INPPL1: variants seen among roughly 807,000 people sequenced by gnomAD.
INPPL1 encodes the protein inositol polyphosphate phosphatase like 1, also known as phosphatidylinositol 3,4,5-trisphosphate 5-phosphatase 2.
Under a neutral mutation model 139.3 loss-of-function variants are expected in INPPL1, and 91 were observed. The observed-to-expected ratio is 0.65, with a 90% CI of 0.55 to 0.78. The LOEUF is 0.78. Ranked by LOEUF, INPPL1 falls within the 30% of genes least tolerant of loss-of-function variation. The probability of loss-of-function intolerance (pLI) is 0.00; values close to 1 mark genes in which losing one functional copy is unlikely to be tolerated. For synonymous variants in INPPL1, 719 were observed against 686.6 expected (o/e 1.05, Z -0.74); for missense variants, 1,411 against 1,665.6 (o/e 0.85, Z 2.66).
In INPPL1 at chr11:72,234,730, AGAGTGTGT is replaced by A; in HGVS notation, c.2415+117_2415+124del. 2 of 567,912 alleles carry A rather than the reference AGAGTGTGT, an allele frequency of 3.5e-6. No individual in the cohort carries two copies. Among genetic ancestry groups the A allele is most frequent in the Non-Finnish European group, 3.1e-6 (1 of 322,642 alleles). 35.2% of individuals were successfully genotyped at this position (567,912 alleles called of 1,614,324 possible). On this transcript the variant is annotated intron_variant, in intron 21 of 27. Coordinates refer to ENST00000298229, the MANE Select transcript of INPPL1 (RefSeq NM_001567.4). The surrounding 1 kb of genome is among the most constrained non-coding windows in gnomAD (Gnocchi z 4.2). ...GTGGGGCCAGCAGAGAGAGAGAGAG[AGAGTGTGT>A]GTGTGTGTGTGTGTGTGTGTGTGTG...
At chr11:72,233,543 G>A (rs1342058598) in intron 18 of INPPL1, 21 bp downstream of exon 18, 2 of 1,611,512 alleles carry the variant, frequency 1.2e-6, no homozygotes, top group Non-Finnish European at 1.7e-6. Flanking sequence ...CCCGGACAGA[G>A]TGATGGGAGA....
rs1948947529 is a variant in INPPL1, at chr11:72,235,095, C to T, written c.2416-21C>T. The T allele has an allele frequency of 1.9e-6, 3 of 1,605,128 alleles. No individual in the cohort carries two copies. The highest frequency in any genetic ancestry group is 1.7e-5 in the Admixed American group (1 of 59,326). ...GGAAGTGGCGGGGCTTTGTTCCTCA[C>T]TGGGCCTCCCTGCTTCCCAGCTCAA... is the stretch of plus-strand genomic sequence containing the variant. On this transcript the variant is annotated intron_variant, in intron 21 of 27. Transcript: ENST00000298229. The surrounding 1 kb of genome is among the most constrained non-coding windows in gnomAD (Gnocchi z 4.9).
At position 72,235,145 on chromosome 11, in the gene INPPL1, C is replaced by G; in HGVS notation, c.2445C>G (p.Tyr815Ter). The change falls in exon 22 of 28, where the codon TAC becomes TAG. Residue 815 changes from tyrosine to a stop codon, truncating the protein, a stop_gained. Coordinates refer to ENST00000298229, the MANE Select transcript of INPPL1 (RefSeq NM_001567.4). LOFTEE classifies it high-confidence loss of function. This position sits in a 1 kb window ranked among gnomAD's most constrained non-coding sequence, Gnocchi z 4.9. The stretch of plus-strand genomic sequence containing the variant: ...AACCAATTCTGGCTGATATCGAGTA[C>G]CTGCAGGACCAGCACCTCCTGCTCA... Reference protein sequence around the residue: ...TLKPILADIEYLQDQHLLLTV... With the variant: ...TLKPILADIE The G allele has an allele frequency of 6.2e-7, 1 of 1,613,964 alleles. No individual in the cohort carries two copies. The highest frequency in any genetic ancestry group is 8.5e-7 in the Non-Finnish European group (1 of 1,179,992).
Position 72,238,067 on chromosome 11 carries a change from C to T in INPPL1, c.3578C>T (p.Ala1193Val). 6.4e-7 allele frequency: 1 copy of T among 1,568,006 alleles called. No individual in the cohort carries two copies. Among genetic ancestry groups the T allele is most frequent in the Non-Finnish European group, 8.6e-7 (1 of 1,157,540 alleles). The change falls in exon 27 of 28, where the codon GCC becomes GTC. Residue 1193 changes from alanine to valine, a missense_variant. Physicochemically the swap from Ala to Val is moderately conservative, Grantham distance 64 (BLOSUM62 0). This residue lies in a region of INPPL1 where 438 missense variants were observed against 425.7 expected (regional missense o/e 1.03). Transcript: ENST00000298229. ...EEAPCLQGGR[A>V]SGLGEAGMSA... ...GCTCCGTGCCTGCAGGGCGGGCGGG[C>T]CAGCGGGCTGGGCGAGGCAGGCATG...
chr11:72,237,276 C>T lies in INPPL1; in HGVS notation c.3032C>T (p.Ser1011Phe). Residue 1011 changes from serine to phenylalanine, a missense_variant, in exon 26 of 28, where the codon TCT (serine) becomes TTT (phenylalanine). Ser to Phe is a radical substitution (Grantham distance 155). Transcript: ENST00000298229. The part of the protein sequence containing the change: ...PPSPARAPVP[S>F]ATKNKVAITV... ...TCGCCTGCCAGGGCCCCTGTCCCAT[C>T]TGCCACCAAGAACAAAGTGGCCATT... 1 of 1,614,074 alleles carries T rather than the reference C, an allele frequency of 6.2e-7. No individual in the cohort carries two copies. Among genetic ancestry groups the T allele is most frequent in the Non-Finnish European group, 8.5e-7 (1 of 1,180,028 alleles).
Position 72,235,620 on chromosome 11 carries a change from T to C in INPPL1, c.2660-55T>C. The C allele has an allele frequency of 6.3e-7, 1 of 1,595,780 alleles. No homozygotes were observed. The highest frequency in any genetic ancestry group is 8.6e-7 in the Non-Finnish European group (1 of 1,164,780). On this transcript the variant is annotated intron_variant, in intron 23 of 27. Transcript: ENST00000298229. This position sits in a 1 kb window ranked among gnomAD's most constrained non-coding sequence, Gnocchi z 4.9. The stretch of plus-strand genomic sequence containing the variant: ...AAAGGGCTGGCAGGCCCACTGGGTG[T>C]CTGTGGGATCCAGGAGCCCAGGTCT...
rs1948742376 is a variant in INPPL1, at chr11:72,228,596, C to G, written c.397+98C>G. 6.5e-7 allele frequency: 1 copy of G among 1,549,790 alleles called. No individual in the cohort carries two copies. Among genetic ancestry groups the G allele is most frequent in the Non-Finnish European group, 8.8e-7 (1 of 1,142,846 alleles). On this transcript the variant is annotated intron_variant, in intron 3 of 27. Transcript: ENST00000298229. This position sits in a 1 kb window ranked among gnomAD's most constrained non-coding sequence, Gnocchi z 5.0. ...CTCAACCCCACCTCTCCTGTAACCC[C>G]CTTTCCCTTGGCCATGATGCCGGGG...
rs141544846 is a variant in INPPL1, at chr11:72,233,731, C to T, written c.2199C>T (p.Phe733=). The change falls in exon 19 of 28, where the codon TTC becomes TTT. Residue 733 remains phenylalanine (F), a synonymous_variant. Transcript: ENST00000298229. ...GTFEVGVTSQ[F]ISKKGLSKTS... The stretch of plus-strand genomic sequence containing the variant: ...TTGAGGTTGGAGTTACCTCCCAGTT[C>T]ATCTCCAAGAAAGGTGACTGTTCCA... 7.4e-6 allele frequency: 12 copies of T among 1,613,758 alleles called. No homozygotes were observed. The African/African-American group carries it at 1.5e-4, about 20-fold the overall frequency.
chr11:72,233,605 G>T (rs761293219), intron 18 of INPPL1, 50 bp from the exon 19 acceptor site: 2 of 1,606,710 alleles, frequency 1.2e-6, no homozygotes, highest in Non-Finnish European at 1.7e-6. Flanking sequence ...GGTGGGAGCC[G>T]AGGGTGGGAA....
Position 72,237,476 on chromosome 11 carries a change from C to G in INPPL1, c.3232C>G (p.Arg1078Gly). ...SLDPLPGPVVRGRGGAEARGP... is the reference protein window; with the variant it reads ...SLDPLPGPVVGGRGGAEARGP... ...GGATCCTTTACCAGGGCCAGTGGTC[C>G]GGGGCCGTGGTGGGGCTGAGGCCCG... Residue 1078 changes from arginine (R) to glycine (G), a missense_variant, in exon 26 of 28, where the codon CGG becomes GGG. Transcript: ENST00000298229. 1 of 1,610,084 alleles carries G rather than the reference C, an allele frequency of 6.2e-7. No homozygotes were observed. The highest frequency in any genetic ancestry group is 8.5e-7 in the Non-Finnish European group (1 of 1,177,640).
At chr11:72,226,725 G>C (rs1055735870) in intron 1 of INPPL1, among the ~76,000 whole-genome samples, 1 of 152,178 alleles carries the variant, frequency 6.6e-6, no homozygotes, top group Non-Finnish European at 1.5e-5. Context: ...GGGAGACTAA[G>C]GAGGGACAGA....
chr11:72,237,769 G>T lies in INPPL1; in HGVS notation c.3525G>T (p.Glu1175Asp). ...GCTTCCCTCCACCCCGCATCCGGGAGAGCATCCAGGAAGACCTGGCAGAGG... is the reference window on the plus strand; with the variant it reads ...GCTTCCCTCCACCCCGCATCCGGGATAGCATCCAGGAAGACCTGGCAGAGG... ...PLSFPPPRIR[E>D]SIQEDLAEEA... is the part of the protein sequence containing the mutation. Residue 1175 changes from glutamate to aspartate, a missense_variant, in exon 26 of 28, where the codon GAG becomes GAT. Glu to Asp is a conservative substitution (Grantham distance 45). This residue lies in a region of INPPL1 where 438 missense variants were observed against 425.7 expected (regional missense o/e 1.03). Transcript: ENST00000298229. 6.2e-7 allele frequency: 1 copy of T among 1,609,548 alleles called. No homozygotes were observed.
chr11:72,238,597 C>T lies in INPPL1; in HGVS notation c.*244C>T, dbSNP rs1426371188. 1 of 377,872 alleles carries T rather than the reference C, an allele frequency of 2.6e-6. No homozygotes were observed. The allele number at this position is 377,872 out of a possible 1,614,324, so 23.4% of individuals were successfully genotyped here. ...GGTCAGTTGCCATGGTTACCGAGGA[C>T]CCTGGTTACTCTGGTGCTGTCCTGT... On this transcript the variant is annotated 3_prime_UTR_variant, in exon 28 of 28. Coordinates refer to ENST00000298229, the MANE Select transcript of INPPL1 (RefSeq NM_001567.4).
chr11:72,228,928 T>C lies in INPPL1; in HGVS notation c.518+81T>C, dbSNP rs769788336. The C allele has an allele frequency of 2.6e-6, 4 of 1,523,604 alleles. No homozygotes were observed. The highest frequency in any genetic ancestry group is 3.5e-6 in the Non-Finnish European group (4 of 1,134,952). 94.4% of individuals were successfully genotyped at this position (1,523,604 alleles called of 1,614,324 possible). A position where few individuals can be genotyped will look rare whatever the true frequency, so the allele number is the denominator to read the frequency against. ...TTCCCTACCAAAGGTGGGGAGGCCT[T>C]CTAAGACCCCACCAGGGACCCCCAC... On this transcript the variant is annotated intron_variant, in intron 4 of 27. Coordinates refer to ENST00000298229, the MANE Select transcript of INPPL1 (RefSeq NM_001567.4). This position sits in a 1 kb window ranked among gnomAD's most constrained non-coding sequence, Gnocchi z 5.0.
In INPPL1 at chr11:72,230,453, C is replaced by CTT. The variant is rs1297299117; in HGVS notation, c.1184_1185dup (p.Val396LeufsTer17). ...ACCGGACTCAGCGCAAGGACTTCAT[C>CTT]TTTGTCAGTGCCCGGGTGAGCAGCA... is the stretch of plus-strand genomic sequence containing the variant. On this transcript the variant is annotated frameshift_variant, in exon 10 of 28. Coordinates refer to ENST00000298229, the MANE Select transcript of INPPL1 (RefSeq NM_001567.4). LOFTEE classifies it high-confidence loss of function. 2.5e-6 allele frequency: 4 copies of CTT among 1,613,754 alleles called. No individual in the cohort carries two copies. Among genetic ancestry groups the CTT allele is most frequent in the Non-Finnish European group, 3.4e-6 (4 of 1,180,038 alleles).
rs1432447340 is a variant in INPPL1, at chr11:72,237,656, G to C, written c.3412G>C (p.Ala1138Pro). 4 of 1,611,476 alleles carry C rather than the reference G, an allele frequency of 2.5e-6. No individual in the cohort carries two copies. The South Asian group carries it at 4.4e-5, about 18-fold the overall frequency. Residue 1138 changes from alanine (A) to proline (P), a missense_variant, in exon 26 of 28, where the codon GCT becomes CCT. Around this residue, in one of 5 missense-constraint regions of INPPL1, gnomAD observed 438 missense variants for 425.7 expected, o/e 1.03. Coordinates refer to ENST00000298229, the MANE Select transcript of INPPL1 (RefSeq NM_001567.4). ...GCTGAGCGAGGTGGACTATGCCCCT[G>C]CTGGGCCTGCACGCTCAGCGCTCCT... ...KTLSEVDYAP[A>P]GPARSALLPG... is the part of the protein sequence containing the mutation.
chr11:72,228,032 C>A lies in INPPL1; in HGVS notation c.183-158C>A, dbSNP rs1297477138. On this transcript the variant is annotated intron_variant, in intron 1 of 27. Coordinates refer to ENST00000298229, the MANE Select transcript of INPPL1 (RefSeq NM_001567.4). This position sits in a 1 kb window ranked among gnomAD's most constrained non-coding sequence, Gnocchi z 5.0. Reference sequence around the variant, plus strand: ...GCAACACCAGGAGGGTGGAAGTGGACCGGCCACATCATTAACCCTGTGCAG... The same window carrying A: ...GCAACACCAGGAGGGTGGAAGTGGAACGGCCACATCATTAACCCTGTGCAG... The A allele has an allele frequency of 5.8e-6, 4 of 692,992 alleles. No homozygotes were observed. Among genetic ancestry groups the A allele is most frequent in the Non-Finnish European group, 7.6e-6 (3 of 392,566 alleles). 42.9% of individuals were successfully genotyped at this position (692,992 alleles called of 1,614,324 possible).
chr11:72,230,564 G>A (rs960776154), intron 10 of INPPL1, 96 bp downstream of exon 10: 16 of 1,214,166 alleles, frequency 1.3e-5, no homozygotes, highest in East Asian at 7.1e-5. Flanking sequence ...CATGATGTAG[G>A]CATGCCATCC....
At chr11:72,229,020 C>G (rs1180580331) in intron 4 of INPPL1, 70 bp from the exon 5 acceptor site, 1 of 1,547,246 alleles carries the variant, frequency 6.5e-7, no homozygotes. Flanking sequence ...ACTATCTCCT[C>G]TAGGGATGGG....
Sources: gnomAD v4.1 joint callset for allele counts (sites outside exome capture counted in the v4.1 genomes callset) on GRCh38, gnomAD v4.1.1 for gene constraint, gnomAD v4.1.1 regional missense constraint, Gnocchi (gnomAD v3.1) non-coding constraint, MANE v1.5 for transcripts, NCBI Gene and HGNC (gene_info 2026-07-23, HGNC 2026-07-21) for gene names.